KCNH7: variants seen among roughly 807,000 people sequenced by gnomAD.
KCNH7 encodes the protein potassium voltage-gated channel subfamily H member 7.
In KCNH7, 49 loss-of-function variants were observed where a neutral mutation model predicts 120.8. The ratio of observed to expected loss-of-function variants is 0.41; its 90% CI spans 0.32 to 0.51. KCNH7 has a LOEUF of 0.51. KCNH7 is among the 20% of genes least tolerant of loss of function. The pLI, the probability that KCNH7 is intolerant of heterozygous loss-of-function variation, is 0.38. For synonymous variants in KCNH7, 547 were observed against 516.1 expected (o/e 1.06, Z -0.81); for missense variants, 1,097 against 1,446.6 (o/e 0.76, Z 3.92).
chr2:162,414,462 A>G (rs1053319712), intron 9 of KCNH7, among the ~76,000 whole-genome samples: 4 of 151,590 alleles, frequency 2.6e-5, no homozygotes, highest in African/African-American at 9.6e-5. Flanking sequence ...GTTATAGTAT[A>G]TAAAATAAAC....
chr2:162,395,772 G>A (rs1242358963), intron 11 of KCNH7, among the ~76,000 whole-genome samples: 5 of 151,366 alleles, frequency 3.3e-5, no homozygotes, highest in African/African-American at 1.2e-4. Flanking sequence ...GGCATCTAGG[G>A]GCCCTTAAAA....
intron 2 of KCNH7, among the ~76,000 whole-genome samples, chr2:162,629,305 C>G (rs1683675279): frequency 6.6e-6 from 1 of 152,060 alleles, no homozygotes; most frequent in African/African-American, 2.4e-5. Context: ...AGCTTCCTTT[C>G]CTGGCCATTA....
intron 3 of KCNH7, among the ~76,000 whole-genome samples, chr2:162,527,354 A>G (rs1013164233): frequency 1.3e-5 from 2 of 152,012 alleles, no homozygotes; most frequent in African/African-American, 4.8e-5. Context: ...GGGAAACTAT[A>G]TTACTATTGC....
At chr2:162,691,718 T>C (rs1686109684) in intron 2 of KCNH7, among the ~76,000 whole-genome samples, 1 of 152,180 alleles carries the variant, frequency 6.6e-6, no homozygotes, top group African/African-American at 2.4e-5. Flanking sequence ...AAACTGTTCC[T>C]TGATTCTACA....
intron 10 of KCNH7, among the ~76,000 whole-genome samples, chr2:162,398,770 C>G (rs1686989449): frequency 6.6e-6 from 1 of 151,876 alleles, no homozygotes; most frequent in South Asian, 2.1e-4. Context: ...GAAGCATCCT[C>G]CTTCCCTGGC....
At chr2:162,539,074 T>C (rs1214942365) in intron 2 of KCNH7, among the ~76,000 whole-genome samples, 1 of 152,110 alleles carries the variant, frequency 6.6e-6, no homozygotes, top group Non-Finnish European at 1.5e-5. Flanking sequence ...CTCCAATTCA[T>C]TTAATAAAAT....
chr2:162,459,453 A>C (rs993049538), intron 6 of KCNH7, among the ~76,000 whole-genome samples: 1 of 152,186 alleles, frequency 6.6e-6, no homozygotes, highest in African/African-American at 2.4e-5. Flanking sequence ...CGAGAACTAC[A>C]GTTCCCAGCC....
At chr2:162,743,111 C>G (rs1316481839) in intron 2 of KCNH7, among the ~76,000 whole-genome samples, 2 of 152,144 alleles carry the variant, frequency 1.3e-5, no homozygotes, top group East Asian at 3.9e-4. Context: ...TCAACCCACG[C>G]TCTCCCTGTT....
At position 162,423,599 on chromosome 2, in the gene KCNH7, A is replaced by G. The variant is rs898005503; in HGVS notation, c.1955-64T>C. On this transcript the variant is annotated intron_variant, in intron 8 of 15. Coordinates refer to ENST00000332142, the MANE Select transcript of KCNH7 (RefSeq NM_033272.4). Reference sequence around the variant, plus strand: ...ACATAGGTGTGTTATATATTGTTAGAGTATCAAGCATGTGGATTTTGATTA... The same window carrying G: ...ACATAGGTGTGTTATATATTGTTAGGGTATCAAGCATGTGGATTTTGATTA... 3 of 1,396,936 alleles carry G rather than the reference A, an allele frequency of 2.1e-6. No homozygotes were observed. In the African/African-American group the frequency reaches 4.3e-5, roughly 20 times the overall value. 86.5% of individuals were successfully genotyped at this position (1,396,936 alleles called of 1,614,324 possible). A position where few individuals can be genotyped will look rare whatever the true frequency, so the allele number is the denominator to read the frequency against.
rs532405630 is a variant in KCNH7 at position 162,414,124 on chromosome 2, C to T, written c.2154+9212G>A. On this transcript the variant is annotated intron_variant, in intron 9 of 15. Coordinates refer to ENST00000332142, the MANE Select transcript of KCNH7 (RefSeq NM_033272.4). ...AATTGAAAAGAACCATAACACCCAG[C>T]GCTAGTAAAGGGAAGGGGGAAAAGT... Among the ~76,000 whole-genome samples the T allele has an allele frequency of 1.3e-4, 19 of 151,868 alleles. No homozygotes were observed. In the South Asian group the frequency reaches 3.3e-3, roughly 27 times the overall value.
intron 2 of KCNH7, among the ~76,000 whole-genome samples, chr2:162,616,166 C>T (rs1217205817): frequency 1.3e-5 from 2 of 152,140 alleles, no homozygotes; most frequent in Non-Finnish European, 2.9e-5. Flanking sequence ...ATCTCCATTT[C>T]CAAAGTTCAG....
chr2:162,762,652 G>T (rs916074047), intron 2 of KCNH7, among the ~76,000 whole-genome samples: 1 of 151,926 alleles, frequency 6.6e-6, no homozygotes, highest in Non-Finnish European at 1.5e-5. Context: ...GCTCCTTAAT[G>T]GGAGAATCTG....
intron 6 of KCNH7, among the ~76,000 whole-genome samples, chr2:162,473,180 C>T (rs1049921700): frequency 5.3e-5 from 8 of 151,224 alleles, no homozygotes; most frequent in African/African-American, 7.3e-5. Context: ...TGTAACAAAC[C>T]GGCACGTTGT....
chr2:162,685,280 C>A (rs903425749), intron 2 of KCNH7, among the ~76,000 whole-genome samples: 1 of 151,898 alleles, frequency 6.6e-6, no homozygotes, highest in African/African-American at 2.4e-5. Context: ...ACCACCATGG[C>A]ACATGTATAC....
intron 8 of KCNH7, among the ~76,000 whole-genome samples, chr2:162,430,020 C>G (rs760258425): frequency 2.0e-5 from 3 of 151,568 alleles, no homozygotes; most frequent in African/African-American, 7.3e-5. Context: ...ATACATTTAA[C>G]CTTCTTCAAT....
intron 2 of KCNH7, among the ~76,000 whole-genome samples, chr2:162,813,864 T>C (rs1159064652): frequency 6.6e-6 from 1 of 152,194 alleles, no homozygotes; most frequent in East Asian, 1.9e-4. Flanking sequence ...GTGAACATGA[T>C]ACAATAGTTC....
chr2:162,549,141 A>C (rs1303572852), intron 2 of KCNH7, among the ~76,000 whole-genome samples: 1 of 152,126 alleles, frequency 6.6e-6, no homozygotes, highest in Non-Finnish European at 1.5e-5. Context: ...CCCTTATGAA[A>C]ATTTACCAGT....
chr2:162,564,666 T>C (rs2105886243), intron 2 of KCNH7, among the ~76,000 whole-genome samples: 1 of 152,266 alleles, frequency 6.6e-6, no homozygotes, highest in East Asian at 1.9e-4. Flanking sequence ...ACTAATTCTT[T>C]GTAACATCAA....
Position 162,636,245 on chromosome 2 carries a change from C to T in KCNH7, c.308-99165G>A, listed in dbSNP as rs1184553839. ...TTAGAATCTCAGCCAAAGGTAGAAA[C>T]GGAAAAGAAGAAATTATTATATGTA... On this transcript the variant is annotated intron_variant, in intron 2 of 15. Coordinates refer to ENST00000332142, the MANE Select transcript of KCNH7 (RefSeq NM_033272.4). Among the ~76,000 whole-genome samples the T allele has an allele frequency of 5.9e-5, 9 of 152,100 alleles. No homozygotes were observed. The South Asian group carries it at 1.5e-3, about 25-fold the overall frequency.
Sources: allele counts gnomAD v4.1 joint callset (sites outside exome capture counted in the v4.1 genomes callset), GRCh38; gene constraint gnomAD v4.1.1; transcripts MANE v1.5; gene names NCBI Gene and HGNC (gene_info 2026-07-23, HGNC 2026-07-21).